The following RDX variants were observed in gnomAD, a reference collection of about 807,000 sequenced individuals.
The protein encoded by RDX is radixin.
Under a neutral mutation model 83.7 loss-of-function variants are expected in RDX, and 32 were observed. The ratio of observed to expected loss-of-function variants is 0.38; its 90% CI spans 0.29 to 0.51. The LOEUF (loss-of-function observed/expected upper bound fraction) is 0.51, where lower values mean the gene tolerates loss of function less well. RDX is among the 20% of genes least tolerant of loss of function. RDX has a pLI of 0.87. For synonymous variants in RDX, 229 were observed against 222.7 expected (o/e 1.03, Z -0.25); for missense variants, 600 against 689.9 (o/e 0.87, Z 1.46).
intron 15 of RDX, among the ~76,000 whole-genome samples, chr11:110,180,474 G>A (rs914026653): frequency 2.6e-5 from 4 of 151,994 alleles, no homozygotes; most frequent in African/African-American, 7.2e-5. Context: ...CAATCTCACG[G>A]CAGGTCTCAC....
intron 1 of RDX, among the ~76,000 whole-genome samples, chr11:110,286,559 A>C (rs1277710003): frequency 1.3e-5 from 2 of 152,374 alleles, no homozygotes; most frequent in Non-Finnish European, 2.9e-5. Flanking sequence ...CAGTGCCTGC[A>C]CTGAAGCATC....
chr11:110,243,984 C>A (rs551397937), intron 10 of RDX, among the ~76,000 whole-genome samples: 1 of 152,044 alleles, frequency 6.6e-6, no homozygotes, highest in Non-Finnish European at 1.5e-5. Flanking sequence ...ACCACATGAC[C>A]CAGCAATTCC....
intron 9 of RDX, among the ~76,000 whole-genome samples, chr11:110,252,258 C>T (rs1026436382): frequency 2.0e-4 from 30 of 152,162 alleles, no homozygotes; most frequent in African/African-American, 7.2e-4. Context: ...AAAAAAGAAA[C>T]TTAAGTCTTC....
At chr11:110,245,711 T>C (rs979214470) in intron 10 of RDX, among the ~76,000 whole-genome samples, 2 of 152,210 alleles carry the variant, frequency 1.3e-5, no homozygotes, top group African/African-American at 2.4e-5. Flanking sequence ...AATTGTATTA[T>C]TTAATATATT....
At chr11:110,292,163 T>C (rs988385788) in intron 1 of RDX, among the ~76,000 whole-genome samples, 2 of 151,988 alleles carry the variant, frequency 1.3e-5, no homozygotes, top group African/African-American at 2.4e-5. Flanking sequence ...CCTGGTGGCA[T>C]GTGCCTTAAA....
intron 5 of RDX, among the ~76,000 whole-genome samples, chr11:110,262,179 T>C (rs1402739777): frequency 6.6e-6 from 1 of 152,182 alleles, no homozygotes; most frequent in Non-Finnish European, 1.5e-5. Flanking sequence ...AAACAGACTA[T>C]CAGATATCTC....
At chr11:110,209,723 GGCACACTGACACC>G (rs1701332937) in intron 14 of RDX, among the ~76,000 whole-genome samples, 1 of 146,336 alleles carries the variant, frequency 6.8e-6, no homozygotes. Flanking sequence ...CCCCAGCAGG[GGCACACTGACACC>G]TCACACAGCA....
chr11:110,289,106 C>T (rs1271851844), intron 1 of RDX, among the ~76,000 whole-genome samples: 1 of 151,912 alleles, frequency 6.6e-6, no homozygotes, highest in Non-Finnish European at 1.5e-5. Context: ...AGCGTGGTGG[C>T]GCATGCCTGT....
chr11:110,221,887 T>C (rs1357324055), intron 14 of RDX, among the ~76,000 whole-genome samples: 1 of 152,120 alleles, frequency 6.6e-6, no homozygotes, highest in Non-Finnish European at 1.5e-5. Context: ...AACTCCCCGA[T>C]TAACCACAAT....
intron 9 of RDX, among the ~76,000 whole-genome samples, chr11:110,250,503 C>A (rs1348182000): frequency 6.6e-6 from 1 of 152,144 alleles, no homozygotes; most frequent in Non-Finnish European, 1.5e-5. Context: ...AGAAGTCTAC[C>A]ATCATATTCC....
chr11:110,185,855 C>T (rs1380460700), intron 15 of RDX, among the ~76,000 whole-genome samples: 1 of 152,138 alleles, frequency 6.6e-6, no homozygotes, highest in African/African-American at 2.4e-5. Flanking sequence ...CAGCTCATTC[C>T]CCAAAGGAAA....
chr11:110,206,751 T>C (rs1251546720), intron 14 of RDX, among the ~76,000 whole-genome samples: 2 of 152,214 alleles, frequency 1.3e-5, no homozygotes, highest in Non-Finnish European at 2.9e-5. Context: ...GGGGAAGTTA[T>C]GAATTTTGTT....
chr11:110,289,162 T>C (rs548206968), intron 1 of RDX, among the ~76,000 whole-genome samples: 1 of 141,244 alleles, frequency 7.1e-6, no homozygotes, highest in Non-Finnish European at 1.5e-5. Context: ...CACTTGAACC[T>C]GGGAGGCCGA....
At chr11:110,204,781 C>T (rs1863543242) in intron 14 of RDX, among the ~76,000 whole-genome samples, 1 of 152,126 alleles carries the variant, frequency 6.6e-6, no homozygotes, top group Admixed American at 6.5e-5. Context: ...TCCCAAAGTG[C>T]TGGGATTACA....
At chr11:110,204,511 T>C (rs1179259490) in intron 14 of RDX, among the ~76,000 whole-genome samples, 2 of 143,816 alleles carry the variant, frequency 1.4e-5, no homozygotes, top group African/African-American at 2.6e-5. Flanking sequence ...TTTTTTTTTT[T>C]TCCTTTTTTT....
At chr11:110,252,234 C>G (rs548838805) in intron 9 of RDX, among the ~76,000 whole-genome samples, 1 of 152,272 alleles carries the variant, frequency 6.6e-6, no homozygotes, top group South Asian at 2.1e-4. Context: ...AGGAGAACTA[C>G]GGATTATTGT....
intron 14 of RDX, among the ~76,000 whole-genome samples, chr11:110,208,777 T>G (rs1863698899): frequency 6.6e-6 from 1 of 152,094 alleles, no homozygotes; most frequent in African/African-American, 2.4e-5. Flanking sequence ...GCCAACATGA[T>G]GAAACCCCTT....
intron 14 of RDX, among the ~76,000 whole-genome samples, chr11:110,215,047 A>AT (rs1555033344): frequency 5.7e-4 from 66 of 116,054 alleles, no homozygotes; most frequent in Middle Eastern, 8.1e-3. Context: ...AAAAAAAAAA[A>AT]AAATATATAT....
At chr11:110,194,940 C>T (rs966490403) in intron 15 of RDX, among the ~76,000 whole-genome samples, 3 of 152,076 alleles carry the variant, frequency 2.0e-5, no homozygotes, top group Non-Finnish European at 4.4e-5. Context: ...GCACAACATG[C>T]TCTTGAAGGC....
Sources: gnomAD v4.1 joint callset for allele counts (sites outside exome capture counted in the v4.1 genomes callset) on GRCh38, gnomAD v4.1.1 for gene constraint, MANE v1.5 for transcripts, NCBI Gene and HGNC (gene_info 2026-07-23, HGNC 2026-07-21) for gene names.